Variants in MTMR2 observed in about 807,000 individuals in gnomAD.
MTMR2 encodes the protein myotubularin related protein 2.
Under a neutral mutation model 86.9 loss-of-function variants are expected in MTMR2, and 55 were observed. The ratio of observed to expected loss-of-function variants is 0.63; its 90% CI spans 0.51 to 0.79. MTMR2 has a LOEUF of 0.79. MTMR2 is among the 30% of genes least tolerant of loss of function. MTMR2 has a pLI of 0.00. For missense variants in MTMR2, 659 were observed against 772.3 expected, an observed-to-expected ratio of 0.85 and a Z score of 1.74; for synonymous variants, 241 against 266.8, an observed-to-expected ratio of 0.90 and a Z score of 0.94.
At chr11:95,888,010 T>C in intron 2 of MTMR2, 146 bp downstream of exon 2, 1 of 637,400 alleles carries the variant, frequency 1.6e-6, no homozygotes, top group South Asian at 1.9e-5. Context: ...ATTCCAAATT[T>C]GCTGGCCTAT....
At chr11:95,895,276 A>T (rs1277797516) in intron 1 of MTMR2, among the ~76,000 whole-genome samples, 2 of 152,092 alleles carry the variant, frequency 1.3e-5, no homozygotes, top group African/African-American at 4.8e-5. Flanking sequence ...CCAAATATCA[A>T]CTATTTCAGA....
At chr11:95,857,827 A>G (rs536683825) in intron 6 of MTMR2, among the ~76,000 whole-genome samples, 192 bp from the exon 7 acceptor site, 9 of 152,308 alleles carry the variant, frequency 5.9e-5, no homozygotes, top group African/African-American at 1.9e-4. Flanking sequence ...TTTTAAGCAT[A>G]CAAAAAAGCA....
At chr11:95,915,000 G>A (rs750439988) in intron 1 of MTMR2, among the ~76,000 whole-genome samples, 6 of 152,106 alleles carry the variant, frequency 3.9e-5, no homozygotes, top group Admixed American at 6.6e-5. Flanking sequence ...TAAATGTTGT[G>A]CTATTTATAT....
At chr11:95,843,560 TTC>T (rs1354482742) in intron 11 of MTMR2, among the ~76,000 whole-genome samples, 1 of 152,184 alleles carries the variant, frequency 6.6e-6, no homozygotes, top group Non-Finnish European at 1.5e-5. Context: ...TTAAAATACT[TTC>T]TGCTTTTCCA....
At chr11:95,858,222 T>C (rs940506700) in intron 6 of MTMR2, among the ~76,000 whole-genome samples, 1 of 152,114 alleles carries the variant, frequency 6.6e-6, no homozygotes, top group African/African-American at 2.4e-5. Flanking sequence ...GGCTCCCAAT[T>C]AAAAAGGAGA....
At chr11:95,837,884 A>G (rs1590970696) in intron 13 of MTMR2, among the ~76,000 whole-genome samples, 1 of 152,068 alleles carries the variant, frequency 6.6e-6, no homozygotes, top group Non-Finnish European at 1.5e-5. Flanking sequence ...AACTCAGCAG[A>G]CAGCTAGCTA....
chr11:95,836,072 C>T, intron 14 of MTMR2, 76 bp downstream of exon 14: 1 of 1,384,666 alleles, frequency 7.2e-7, no homozygotes, highest in Non-Finnish European at 1.0e-6. Flanking sequence ...CACAGATAAT[C>T]TTTCCAGCTG....
chr11:95,853,573 G>A (rs1297850172), intron 7 of MTMR2, among the ~76,000 whole-genome samples: 1 of 152,154 alleles, frequency 6.6e-6, no homozygotes. Context: ...GTATGCTCTG[G>A]TCTAGTCTAT....
chr11:95,855,154 C>G (rs934836154), intron 7 of MTMR2, among the ~76,000 whole-genome samples: 1 of 151,814 alleles, frequency 6.6e-6, no homozygotes, highest in African/African-American at 2.4e-5. Context: ...ATAGTCCTGT[C>G]TATAATCACT....
At chr11:95,889,118 T>C (rs1335473635) in intron 1 of MTMR2, among the ~76,000 whole-genome samples, 1 of 150,394 alleles carries the variant, frequency 6.6e-6, no homozygotes, top group Non-Finnish European at 1.5e-5. Context: ...TTTACTTTCT[T>C]AAATTCCTAT....
intron 1 of MTMR2, among the ~76,000 whole-genome samples, chr11:95,905,901 A>C (rs946061776): frequency 1.3e-5 from 2 of 152,178 alleles, no homozygotes; most frequent in African/African-American, 4.8e-5. Flanking sequence ...AAACAAAAAA[A>C]AAAACTATGG....
intron 1 of MTMR2, among the ~76,000 whole-genome samples, chr11:95,905,685 T>A (rs1252346746): frequency 6.6e-6 from 1 of 152,124 alleles, no homozygotes; most frequent in Non-Finnish European, 1.5e-5. Flanking sequence ...TTTGGTGAAA[T>A]ACACAGACTC....
chr11:95,856,273 C>T (rs1864209055), intron 7 of MTMR2, among the ~76,000 whole-genome samples: 1 of 151,706 alleles, frequency 6.6e-6, no homozygotes, highest in African/African-American at 2.4e-5. Flanking sequence ...GAAAACCTAC[C>T]TTTCAGTATA....
At position 95,834,799 on chromosome 11, in the gene MTMR2, G is replaced by GTTTTTTT; in HGVS notation, c.*490_*491insAAAAAAA. 1 of 169,114 alleles carries GTTTTTTT rather than the reference G, an allele frequency of 5.9e-6. No homozygotes were observed. The highest frequency in any genetic ancestry group is 1.4e-4 in the South Asian group (1 of 7,086). The allele number at this position is 169,114 out of a possible 1,614,324, so 10.5% of individuals were successfully genotyped here. On this transcript the variant is annotated 3_prime_UTR_variant, in exon 15 of 15. Coordinates refer to ENST00000346299, the MANE Select transcript of MTMR2 (RefSeq NM_016156.6). ...GTTGAAAAGTGATCAAGGTAAATCA[G>GTTTTTTT]TTACTGAAAAAAAGAAAAACCTAGA...
intron 6 of MTMR2, 22 bp from the exon 7 acceptor site, chr11:95,857,657 T>C: frequency 6.7e-7 from 1 of 1,482,050 alleles, no homozygotes; most frequent in Non-Finnish European, 9.4e-7. Context: ...TAAACAATGG[T>C]AAGAGCTAAA....
intron 5 of MTMR2, 116 bp downstream of exon 5, chr11:95,861,876 A>T (rs904131718): frequency 1.4e-5 from 12 of 833,942 alleles, no homozygotes; most frequent in Non-Finnish European, 2.3e-5. Context: ...ATACTAAAAT[A>T]ACATTTCTAA....
intron 7 of MTMR2, among the ~76,000 whole-genome samples, 178 bp downstream of exon 7, chr11:95,857,373 GA>G (rs1036484088): frequency 6.6e-6 from 1 of 152,090 alleles, no homozygotes; most frequent in African/African-American, 2.4e-5. Flanking sequence ...TATACTGAAG[GA>G]AGAATAGGAA....
At chr11:95,909,976 A>C (rs2135605232) in intron 1 of MTMR2, among the ~76,000 whole-genome samples, 1 of 152,280 alleles carries the variant, frequency 6.6e-6, no homozygotes, top group African/African-American at 2.4e-5. Flanking sequence ...TCTATAATGT[A>C]AAATGTCTTC....
intron 11 of MTMR2, among the ~76,000 whole-genome samples, chr11:95,842,570 A>G (rs886591600): frequency 6.6e-6 from 1 of 152,234 alleles, no homozygotes; most frequent in Non-Finnish European, 1.5e-5. Context: ...TTTGACTCAG[A>G]TAACTGAAAA....
Sources: gnomAD v4.1 joint callset for allele counts (sites outside exome capture counted in the v4.1 genomes callset) on GRCh38, gnomAD v4.1.1 for gene constraint, MANE v1.5 for transcripts, NCBI Gene and HGNC (gene_info 2026-07-23, HGNC 2026-07-21) for gene names.